SKIC2: variants seen among roughly 807,000 people sequenced by gnomAD.
SKIC2 encodes superkiller complex protein 2.
chr6:31,966,874 G>A, the SKIC2 span: 1 of 1,613,946 alleles, frequency 6.2e-7, no homozygotes, highest in South Asian at 1.1e-5. The surrounding 1 kb of genome is among the most constrained non-coding windows in gnomAD (Gnocchi z 5.9). Flanking sequence ...ACCAGTGTGT[G>A]GAGCAGGAGG....
At chr6:31,960,591 C>T in the SKIC2 span, 1 of 1,579,022 alleles carries the variant, frequency 6.3e-7, no homozygotes, top group Non-Finnish European at 8.7e-7. Context: ...TGTCTTTAAT[C>T]TCCAGGGAAG....
the SKIC2 span, chr6:31,961,742 G>T: frequency 6.3e-7 from 1 of 1,578,854 alleles, no homozygotes; most frequent in Non-Finnish European, 8.6e-7. Flanking sequence ...CCGACCCCTT[G>T]TCTCCTCTAT....
At chr6:31,964,195 G>C in the SKIC2 span, 1 of 1,609,214 alleles carries the variant, frequency 6.2e-7, no homozygotes, top group South Asian at 1.1e-5. This position sits in a 1 kb window ranked among gnomAD's most constrained non-coding sequence, Gnocchi z 5.0. Context: ...GGTGTTCCGA[G>C]ACTCCATCCC....
At chr6:31,964,243 G>A in the SKIC2 span, 1 of 1,613,034 alleles carries the variant, frequency 6.2e-7, no homozygotes, top group East Asian at 2.2e-5. The surrounding 1 kb of genome is among the most constrained non-coding windows in gnomAD (Gnocchi z 5.0). Flanking sequence ...TCCTGCACAT[G>A]TCAGAGCTCC....
At chr6:31,963,127 G>A in the SKIC2 span, 1 of 1,410,816 alleles carries the variant, frequency 7.1e-7, no homozygotes, top group Non-Finnish European at 1.0e-6. The surrounding 1 kb of genome is among the most constrained non-coding windows in gnomAD (Gnocchi z 5.3). Flanking sequence ...GGGTGAAGGG[G>A]GCTACAGTAC....
At chr6:31,964,175 GT>G in the SKIC2 span, 1 of 1,608,750 alleles carries the variant, frequency 6.2e-7, no homozygotes, top group Non-Finnish European at 8.5e-7. The surrounding 1 kb of genome is among the most constrained non-coding windows in gnomAD (Gnocchi z 5.0). Context: ...TGGCAGACTG[GT>G]GGGGATAGGG....
the SKIC2 span, chr6:31,960,179 A>G: frequency 1.2e-6 from 2 of 1,607,614 alleles, no homozygotes; most frequent in South Asian, 2.2e-5. Flanking sequence ...GCTGGGACAG[A>G]GGAAGAAAGA....
the SKIC2 span, chr6:31,967,148 A>G: frequency 1.2e-6 from 2 of 1,609,056 alleles, no homozygotes; most frequent in Non-Finnish European, 1.7e-6. This position sits in a 1 kb window ranked among gnomAD's most constrained non-coding sequence, Gnocchi z 4.9. Context: ...CCAGGTGAGC[A>G]AGTGTGAGTG....
the SKIC2 span, chr6:31,968,647 T>C: frequency 1.9e-6 from 3 of 1,572,298 alleles, no homozygotes; most frequent in Non-Finnish European, 2.6e-6. The surrounding 1 kb of genome is among the most constrained non-coding windows in gnomAD (Gnocchi z 6.1). Context: ...GCACCCCTGC[T>C]AAGGGGCAAG....
chr6:31,960,262 C>T, the SKIC2 span: 3 of 1,613,160 alleles, frequency 1.9e-6, no homozygotes, highest in African/African-American at 1.3e-5. Context: ...TTTTGGCTGT[C>T]CTGGGAGCCC....
chr6:31,962,447 A>G, the SKIC2 span: 3 of 1,614,046 alleles, frequency 1.9e-6, no homozygotes, highest in Non-Finnish European at 2.5e-6. The surrounding 1 kb of genome is among the most constrained non-coding windows in gnomAD (Gnocchi z 5.0). Flanking sequence ...AGCACCATCT[A>G]CACTTCGCCC....
chr6:31,959,682 T>C, the SKIC2 span: 1 of 551,184 alleles, frequency 1.8e-6, no homozygotes, highest in Non-Finnish European at 3.2e-6. Flanking sequence ...ACTTGGTGAC[T>C]GAGATGATAG....
At chr6:31,963,152 G>T in the SKIC2 span, 47 of 1,193,378 alleles carry the variant, frequency 3.9e-5, 1 homozygote, top group African/African-American at 1.5e-4. This position sits in a 1 kb window ranked among gnomAD's most constrained non-coding sequence, Gnocchi z 5.3. Context: ...TGATTCGGGT[G>T]GGGGACTAAG....
chr6:31,959,175 A>C, the SKIC2 span: 3 of 1,609,162 alleles, frequency 1.9e-6, no homozygotes, highest in African/African-American at 2.7e-5. Context: ...GCTGCCAGGC[A>C]GCTGCTGTGG....
the SKIC2 span, chr6:31,959,400 C>A: frequency 1.2e-6 from 2 of 1,607,588 alleles, no homozygotes; most frequent in South Asian, 1.1e-5. Context: ...CAGAGAGTAG[C>A]GTGAGTGACT....
chr6:31,960,295 C>G, the SKIC2 span: 1 of 1,613,362 alleles, frequency 6.2e-7, no homozygotes, highest in African/African-American at 1.3e-5. Flanking sequence ...ACCTACAGGC[C>G]CAAAGACACC....
the SKIC2 span, chr6:31,961,824 T>A: frequency 6.4e-7 from 1 of 1,573,620 alleles, no homozygotes; most frequent in Non-Finnish European, 8.7e-7. Flanking sequence ...CCGGCCTTCA[T>A]CCGCCCGCCC....
At chr6:31,960,862 T>C in the SKIC2 span, 3 of 918,986 alleles carry the variant, frequency 3.3e-6, no homozygotes, top group Non-Finnish European at 5.1e-6. Flanking sequence ...TAACAACCTT[T>C]ACTGTCATCT....
chr6:31,966,624 G>C, the SKIC2 span: 3 of 1,449,582 alleles, frequency 2.1e-6, no homozygotes, highest in Non-Finnish European at 2.9e-6. This position sits in a 1 kb window ranked among gnomAD's most constrained non-coding sequence, Gnocchi z 5.9. Context: ...GACCGGATCT[G>C]ACGGGAGTAG....
Sources: allele counts gnomAD v4.1 joint callset, GRCh38; gene constraint gnomAD v4.1.1; non-coding constraint Gnocchi (gnomAD v3.1); transcripts MANE v1.5; gene names NCBI Gene and HGNC (gene_info 2026-07-23, HGNC 2026-07-21).